The following SIRT4 variants were observed in gnomAD, a reference collection of about 807,000 sequenced individuals.
SIRT4 encodes sirtuin 4.
A neutral mutation model predicts 26.1 loss-of-function variants in SIRT4; 23 were observed. The observed-to-expected ratio is 0.88, with a 90% CI of 0.63 to 1.25. The LOEUF is 1.25. Among genes scored for constraint, SIRT4 ranks in the 50% most tolerant of loss-of-function variants. The pLI is 0.00. For synonymous variants in SIRT4, 155 were observed against 158.4 expected (o/e 0.98, Z 0.16); for missense variants, 361 against 405.4 (o/e 0.89, Z 0.94).
chr12:120,291,893 T>G, the SIRT4 span: 3 of 152,178 alleles, frequency 2.0e-5, no homozygotes, highest in Non-Finnish European at 2.9e-5. Context: ...ATACTGCCAC[T>G]GCGCAAAGCT....
At chr12:120,311,538 C>T (rs1362993327) in intron 2 of SIRT4, among the ~76,000 whole-genome samples, 1 of 150,642 alleles carries the variant, frequency 6.6e-6, no homozygotes, top group Non-Finnish European at 1.5e-5. Context: ...TTGAGACCAG[C>T]CTTACCAACA....
At chr12:120,299,622 G>A (rs973338681), upstream of SIRT4, among the ~76,000 whole-genome samples, 3 of 151,880 alleles carry the variant, frequency 2.0e-5, no homozygotes, top group African/African-American at 7.3e-5. Context: ...GAGGGCTATA[G>A]TGTGGGAGCA....
rs766212996 is a variant in SIRT4 at position 120,312,526 on chromosome 12, C to T, written c.568C>T (p.Pro190Ser). The T allele has an allele frequency of 7.4e-6, 12 of 1,614,006 alleles. No individual in the cohort carries two copies. The highest frequency in any genetic ancestry group is 5.0e-5 in the Admixed American group (3 of 59,976). The change falls in exon 3 of 4, where the codon CCC becomes TCC. Residue 190 changes from proline to serine, a missense_variant. Transcript: ENST00000202967. ...VLQERFQVLN[P>S]TWSAEAHGLA... ...GCAAGAGCGTTTCCAAGTCCTGAAC[C>T]CCACCTGGAGTGCTGAGGCCCATGG...
chr12:120,302,169 C>T (rs1456338988), upstream of SIRT4: 1 of 152,036 alleles, frequency 6.6e-6, no homozygotes, highest in Non-Finnish European at 1.5e-5. Flanking sequence ...TGATTAAAAG[C>T]TTTTATATTA....
chr12:120,310,642 A>T lies in SIRT4; in HGVS notation c.498-1814A>T, dbSNP rs374546493. On this transcript the variant is annotated intron_variant, in intron 2 of 3. Coordinates refer to ENST00000202967, the MANE Select transcript of SIRT4 (RefSeq NM_012240.3). The stretch of plus-strand genomic sequence containing the variant: ...TCCCAGCACTTTGGAAGACTAAGGC[A>T]GGAGGATTGCTTGAGCCTAGGAGTT... 2.1e-3 allele frequency among the ~76,000 whole-genome samples: 321 copies of T among 152,064 alleles called. 2 individuals are homozygous for T. The highest frequency in any genetic ancestry group is 3.3e-3 in the Non-Finnish European group (225 of 67,960).
chr12:120,296,641 G>A, the SIRT4 span, among the ~76,000 whole-genome samples: 1 of 151,102 alleles, frequency 6.6e-6, no homozygotes, highest in Non-Finnish European at 1.5e-5. Context: ...CCAGGTAGCT[G>A]GGACTACAGG....
rs150749254 is a variant in SIRT4, at chr12:120,304,506, C to T, written c.497+448C>T. Among the ~76,000 whole-genome samples the T allele has an allele frequency of 3.2e-3, 482 of 151,776 alleles. 1 individual carries two copies. Among genetic ancestry groups the T allele is most frequent in the African/African-American group, 0.01 (417 of 41,352 alleles). On this transcript the variant is annotated intron_variant, in intron 2 of 3. Coordinates refer to ENST00000202967, the MANE Select transcript of SIRT4 (RefSeq NM_012240.3). ...TTCTACTAAAAATACAAAAATTAGC[C>T]AGTCGTGGTGGCACATGCCTGTAAT...
At chr12:120,311,937 T>C (rs997202532) in intron 2 of SIRT4, among the ~76,000 whole-genome samples, 7 of 151,830 alleles carry the variant, frequency 4.6e-5, no homozygotes, top group Non-Finnish European at 1.0e-4. Context: ...TTTGCAGTCA[T>C]GTTAAGGATA....
rs1347504652 is a variant in SIRT4 at position 120,309,536 on chromosome 12, T to C, written c.498-2920T>C. On this transcript the variant is annotated intron_variant, in intron 2 of 3. Transcript: ENST00000202967. ...AACCGATTCTCCTGCCTCAGCCTCC[T>C]GAGTAGCTGGGATTACAGGCATGCA... is the stretch of plus-strand genomic sequence containing the variant. Among the ~76,000 whole-genome samples, 3 of 150,918 alleles carry C rather than the reference T, an allele frequency of 2.0e-5. No homozygotes were observed. The South Asian group carries it at 6.3e-4, about 32-fold the overall frequency.
At chr12:120,297,082 G>A in the SIRT4 span, among the ~76,000 whole-genome samples, 1 of 151,696 alleles carries the variant, frequency 6.6e-6, no homozygotes, top group African/African-American at 2.4e-5. Flanking sequence ...AATTAGCTGG[G>A]CATGGTGGCG....
At chr12:120,294,006 C>CTT in the SIRT4 span, among the ~76,000 whole-genome samples, 2 of 84,014 alleles carry the variant, frequency 2.4e-5, no homozygotes, top group African/African-American at 9.9e-5. Flanking sequence ...GAGATGTTAT[C>CTT]TTTTTTTTTT....
chr12:120,310,471 G>C (rs907297780), intron 2 of SIRT4, among the ~76,000 whole-genome samples: 1 of 151,880 alleles, frequency 6.6e-6, no homozygotes, highest in Admixed American at 6.6e-5. Flanking sequence ...CTTGCTTTAC[G>C]CTCCCAAAGT....
intron 2 of SIRT4, among the ~76,000 whole-genome samples, chr12:120,310,400 TAG>T (rs1872914499): frequency 1.3e-5 from 2 of 152,008 alleles, no homozygotes; most frequent in Non-Finnish European, 2.9e-5. Flanking sequence ...ATTTTTTTTG[TAG>T]AGAGAGCGTC....
Position 120,312,814 on chromosome 12 carries a change from CCT to C in SIRT4, c.792+65_792+66del. On this transcript the variant is annotated intron_variant, in intron 3 of 3. Coordinates refer to ENST00000202967, the MANE Select transcript of SIRT4 (RefSeq NM_012240.3). ...GGGATTGGGAGTCCTGGAGAGACAC[CCT>C]GTTTGGTTTAACTTTTTCTAGATCT... 2.5e-6 allele frequency: 4 copies of C among 1,607,272 alleles called. No individual in the cohort carries two copies. In the South Asian group the frequency reaches 3.3e-5, roughly 13 times the overall value.
intron 2 of SIRT4, among the ~76,000 whole-genome samples, chr12:120,310,875 A>T (rs2136841532): frequency 6.6e-6 from 1 of 151,326 alleles, no homozygotes; most frequent in East Asian, 2.0e-4. Flanking sequence ...AGCTGGGACT[A>T]CAGGCGCCCG....
At chr12:120,295,108 C>T in the SIRT4 span, among the ~76,000 whole-genome samples, 38 of 151,444 alleles carry the variant, frequency 2.5e-4, no homozygotes, top group African/African-American at 6.3e-4. Context: ...TGAGCCACGG[C>T]GCCCGGCCTA....
Position 120,313,080 on chromosome 12 carries a change from G to T in SIRT4, c.*44G>T, listed in dbSNP as rs1199715374. On this transcript the variant is annotated 3_prime_UTR_variant, in exon 4 of 4. Coordinates refer to ENST00000202967, the MANE Select transcript of SIRT4 (RefSeq NM_012240.3). ...GAACCTGGAACAGGGACTTTCACTT[G>T]AATCTTGCTGCTAAATGTAAATGCC... 1 of 1,609,234 alleles carries T rather than the reference G, an allele frequency of 6.2e-7. No homozygotes were observed. Among genetic ancestry groups the T allele is most frequent in the African/African-American group, 1.3e-5 (1 of 74,798 alleles).
At chr12:120,299,510 C>T (rs1024136547), upstream of SIRT4, among the ~76,000 whole-genome samples, 3 of 150,686 alleles carry the variant, frequency 2.0e-5, no homozygotes, top group Non-Finnish European at 2.9e-5. Flanking sequence ...GAAGATCGCG[C>T]CACTGCACTC....
chr12:120,297,213 A>G, the SIRT4 span, among the ~76,000 whole-genome samples: 7 of 150,724 alleles, frequency 4.6e-5, no homozygotes, highest in African/African-American at 7.4e-5. Context: ...ATAGAGCGAG[A>G]CTCCGTCTCA....
Sources: allele counts gnomAD v4.1 joint callset (sites outside exome capture counted in the v4.1 genomes callset), GRCh38; gene constraint gnomAD v4.1.1; transcripts MANE v1.5; gene names NCBI Gene and HGNC (gene_info 2026-07-23, HGNC 2026-07-21).